The following DACH1 variants were observed in gnomAD, a reference collection of about 807,000 sequenced individuals.
The protein encoded by DACH1 is dachshund homolog 1.
DACH1 carries 12 observed loss-of-function variants against 54.2 expected under a neutral mutation model. The observed-to-expected ratio is 0.22, with a 90% CI of 0.14 to 0.36. The LOEUF (loss-of-function observed/expected upper bound fraction) is 0.36, where lower values mean the gene tolerates loss of function less well. Ranked by LOEUF, DACH1 falls within the 10% of genes least tolerant of loss-of-function variation. The pLI, the probability that DACH1 is intolerant of heterozygous loss-of-function variation, is 1.00. For synonymous variants in DACH1, 386 were observed against 366.2 expected, an observed-to-expected ratio of 1.05 and a Z score of -0.62; for missense variants, 805 against 929.8, an observed-to-expected ratio of 0.87 and a Z score of 1.75.
intron 6 of DACH1, among the ~76,000 whole-genome samples, chr13:71,530,993 G>T (rs1882378204): frequency 6.6e-6 from 1 of 152,030 alleles, no homozygotes; most frequent in South Asian, 2.1e-4. Context: ...AGGGATGGAG[G>T]ACAGATGGAG....
In DACH1 at chr13:71,843,465, A is replaced by G. The variant is rs937756855; in HGVS notation, c.848+22457T>C. ...TATTTTATAGAAACACGGCTTCACC[A>G]TGTTGCTCAGACTGGTCTTGAACTC... is the stretch of plus-strand genomic sequence containing the variant. On this transcript the variant is annotated intron_variant, in intron 1 of 10. Coordinates refer to ENST00000613252, the MANE Select transcript of DACH1 (RefSeq NM_080759.6). Among the ~76,000 whole-genome samples the G allele has an allele frequency of 4.6e-5, 7 of 152,010 alleles. No individual in the cohort carries two copies. The South Asian group carries it at 1.0e-3, about 23-fold the overall frequency.
chr13:71,747,350 A>G (rs920371272), intron 1 of DACH1, among the ~76,000 whole-genome samples: 1 of 152,116 alleles, frequency 6.6e-6, no homozygotes, highest in Non-Finnish European at 1.5e-5. Flanking sequence ...AGGCCAAGGC[A>G]GGCGGATCAC....
At chr13:71,842,046 T>C (rs1375979593) in intron 1 of DACH1, among the ~76,000 whole-genome samples, 3 of 152,172 alleles carry the variant, frequency 2.0e-5, no homozygotes, top group African/African-American at 4.8e-5. Flanking sequence ...GCTGCAAGTA[T>C]AGTGTACTAA....
At chr13:71,782,463 T>C (rs1201619531) in intron 1 of DACH1, among the ~76,000 whole-genome samples, 2 of 151,636 alleles carry the variant, frequency 1.3e-5, no homozygotes, top group African/African-American at 4.8e-5. Flanking sequence ...ATAAACAAAA[T>C]AGAAATAAAA....
intron 1 of DACH1, among the ~76,000 whole-genome samples, chr13:71,700,373 C>G (rs147411810): frequency 2.0e-5 from 3 of 151,728 alleles, no homozygotes; most frequent in African/African-American, 7.3e-5. Flanking sequence ...CTGACTAACA[C>G]GGTGAAACCC....
chr13:71,602,391 C>A (rs1874560011), intron 3 of DACH1, among the ~76,000 whole-genome samples: 1 of 152,016 alleles, frequency 6.6e-6, no homozygotes, highest in East Asian at 1.9e-4. Flanking sequence ...TAACTGCCTC[C>A]TTTTTTTCTT....
chr13:71,590,842 T>C (rs1034975226), intron 3 of DACH1, among the ~76,000 whole-genome samples: 1 of 151,630 alleles, frequency 6.6e-6, no homozygotes, highest in African/African-American at 2.4e-5. Flanking sequence ...GTTTTTCTTT[T>C]CTTTTTCTCT....
At chr13:71,810,863 G>A (rs1887681620) in intron 1 of DACH1, among the ~76,000 whole-genome samples, 1 of 152,062 alleles carries the variant, frequency 6.6e-6, no homozygotes, top group African/African-American at 2.4e-5. Flanking sequence ...TCTTTAATTT[G>A]TGTGTTTTGC....
At chr13:71,558,600 A>C (rs924941722) in intron 5 of DACH1, among the ~76,000 whole-genome samples, 53 of 151,976 alleles carry the variant, frequency 3.5e-4, no homozygotes, top group Non-Finnish European at 6.5e-4. Flanking sequence ...TTTATCATTA[A>C]ATTTCTGATT....
At chr13:71,741,627 C>T (rs1410049765) in intron 1 of DACH1, among the ~76,000 whole-genome samples, 2 of 151,900 alleles carry the variant, frequency 1.3e-5, no homozygotes, top group Non-Finnish European at 2.9e-5. Flanking sequence ...ATTTTTTATG[C>T]TAAATTTGAA....
rs148180514 is a variant in DACH1 at position 71,617,039 on chromosome 13, G to A, written c.1126+13517C>T. Among the ~76,000 whole-genome samples the A allele has an allele frequency of 2.5e-3, 382 of 151,878 alleles. 4 individuals carry two copies. Among genetic ancestry groups the A allele is most frequent in the African/African-American group, 8.9e-3 (369 of 41,436 alleles). On this transcript the variant is annotated intron_variant, in intron 3 of 10. Coordinates refer to ENST00000613252, the MANE Select transcript of DACH1 (RefSeq NM_080759.6). ...TGGGATTACAGGTGCCCACCATCAC[G>A]CCCGGCTTTATTAGAGACAGGGTTT... is the stretch of plus-strand genomic sequence containing the variant.
intron 3 of DACH1, among the ~76,000 whole-genome samples, chr13:71,604,497 A>C (rs981649488): frequency 1.3e-5 from 2 of 151,992 alleles, no homozygotes; most frequent in Non-Finnish European, 2.9e-5. Flanking sequence ...AAGAATGGAC[A>C]ATTTCTCATG....
At chr13:71,778,235 A>T (rs1194979046) in intron 1 of DACH1, among the ~76,000 whole-genome samples, 2 of 152,108 alleles carry the variant, frequency 1.3e-5, no homozygotes, top group African/African-American at 4.8e-5. Flanking sequence ...AAGAGATTAG[A>T]CAACTCAGTC....
At chr13:71,851,500 T>C (rs1364344994) in intron 1 of DACH1, among the ~76,000 whole-genome samples, 1 of 152,168 alleles carries the variant, frequency 6.6e-6, no homozygotes, top group African/African-American at 2.4e-5. Flanking sequence ...TAGCTAATTG[T>C]ATTTATTAGC....
intron 1 of DACH1, among the ~76,000 whole-genome samples, chr13:71,687,691 T>A (rs537531448): frequency 1.3e-5 from 2 of 152,312 alleles, no homozygotes; most frequent in Admixed American, 1.3e-4. Flanking sequence ...CACTGCGTCC[T>A]CAACCTCCTT....
intron 10 of DACH1, among the ~76,000 whole-genome samples, chr13:71,450,331 T>A (rs754821589): frequency 6.6e-6 from 1 of 152,140 alleles, no homozygotes; most frequent in Non-Finnish European, 1.5e-5. Context: ...TATACCTGTT[T>A]TGGTGATCTG....
At chr13:71,640,160 A>T (rs1877790719) in intron 2 of DACH1, among the ~76,000 whole-genome samples, 1 of 152,048 alleles carries the variant, frequency 6.6e-6, no homozygotes, top group African/African-American at 2.4e-5. Flanking sequence ...AGAAAAGTAC[A>T]GAAGACAGTA....
In DACH1 at chr13:71,866,352, T is replaced by C; in HGVS notation, c.418A>G (p.Ser140Gly). 2 of 1,523,870 alleles carry C rather than the reference T, an allele frequency of 1.3e-6. No homozygotes were observed. Among genetic ancestry groups the C allele is most frequent in the Non-Finnish European group, 8.8e-7 (1 of 1,132,646 alleles). 94.4% of individuals were successfully genotyped at this position (1,523,870 alleles called of 1,614,324 possible). ...SSTPINASTG[S>G]SSSSSSSSSS... Reference sequence around the variant, plus strand: ...CTGCTGCTACTGCTGCTGCTGCTGCTGCCGGTGCTGGCGTTGATGGGGGTG... The same window carrying C: ...CTGCTGCTACTGCTGCTGCTGCTGCCGCCGGTGCTGGCGTTGATGGGGGTG... Residue 140 changes from serine (S) to glycine (G), a missense_variant, in exon 1 of 11, where the codon AGC (serine) becomes GGC (glycine). Coordinates refer to ENST00000613252, the MANE Select transcript of DACH1 (RefSeq NM_080759.6).
intron 8 of DACH1, among the ~76,000 whole-genome samples, chr13:71,478,089 G>C (rs1471757208): frequency 5.3e-5 from 8 of 152,130 alleles, no homozygotes; most frequent in African/African-American, 1.9e-4. Context: ...ACAAAATTAA[G>C]TGAGAACAAA....
Sources: gnomAD v4.1 joint callset for allele counts (sites outside exome capture counted in the v4.1 genomes callset) on GRCh38, gnomAD v4.1.1 for gene constraint, MANE v1.5 for transcripts, NCBI Gene and HGNC (gene_info 2026-07-23, HGNC 2026-07-21) for gene names.